GIT2: variants seen among roughly 807,000 people sequenced by gnomAD.
GIT2 encodes ARF GTPase-activating protein GIT2.
A neutral mutation model predicts 100.3 loss-of-function variants in GIT2; 32 were observed. That is an observed-to-expected ratio of 0.32 (90% CI 0.24 to 0.43). The LOEUF is 0.43. Among genes scored for constraint, GIT2 ranks in the 20% least tolerant of loss-of-function variants. GIT2 has a pLI of 1.00. For synonymous variants in GIT2, 353 were observed against 364.1 expected (o/e 0.97, Z 0.35); for missense variants, 737 against 975.1 (o/e 0.76, Z 3.25).
Position 109,992,908 on chromosome 12 carries a change from G to A in GIT2, c.53-1148C>T, listed in dbSNP as rs985160839. Reference sequence around the variant, plus strand: ...ACTGGTCTCAAACTCCTGACCTCAGGTGATCCACTCACCTCGACCTCCTAA... The same window carrying A: ...ACTGGTCTCAAACTCCTGACCTCAGATGATCCACTCACCTCGACCTCCTAA... On this transcript the variant is annotated intron_variant, in intron 1 of 19. Coordinates refer to ENST00000355312, the MANE Select transcript of GIT2 (RefSeq NM_057169.5). 1.5e-4 allele frequency among the ~76,000 whole-genome samples: 23 copies of A among 151,784 alleles called. 1 individual carries two copies. The highest frequency in any genetic ancestry group is 5.1e-4 in the African/African-American group (21 of 41,288).
chr12:109,999,920 T>C, upstream of GIT2: 1 of 679,614 alleles, frequency 1.5e-6, no homozygotes, highest in Non-Finnish European at 2.3e-6. The surrounding 1 kb of genome is among the most constrained non-coding windows in gnomAD (Gnocchi z 4.3). Flanking sequence ...TGTGGGACAG[T>C]CCTAATAATA....
At chr12:109,979,016 G>A (rs1885722773) in intron 7 of GIT2, among the ~76,000 whole-genome samples, 1 of 152,216 alleles carries the variant, frequency 6.6e-6, no homozygotes, top group African/African-American at 2.4e-5. Flanking sequence ...GACCAGGTGA[G>A]GTTCTGCCTC....
In GIT2 at chr12:109,948,357, T is replaced by C. The variant is rs1876902072; in HGVS notation, c.1393-853A>G. On this transcript the variant is annotated intron_variant, in intron 14 of 19. Transcript: ENST00000355312. This position sits in a 1 kb window ranked among gnomAD's most constrained non-coding sequence, Gnocchi z 4.3. ...AAAACACGACCTCAGTGGTGTCAGC[T>C]TTGAACATGCTAATCTGCCTGGCAC... 1 of 990,112 alleles carries C rather than the reference T, an allele frequency of 1.0e-6. No homozygotes were observed. Among genetic ancestry groups the C allele is most frequent in the South Asian group, 4.6e-5 (1 of 21,526 alleles). 61.3% of individuals were successfully genotyped at this position (990,112 alleles called of 1,614,324 possible).
At chr12:109,956,973 G>A (rs1479060643) in intron 12 of GIT2, among the ~76,000 whole-genome samples, 4 of 151,138 alleles carry the variant, frequency 2.6e-5, no homozygotes, top group Non-Finnish European at 4.4e-5. Flanking sequence ...AGCCAAGATC[G>A]CGCCACTGCA....
intron 4 of GIT2, among the ~76,000 whole-genome samples, chr12:109,988,002 T>C (rs989170652): frequency 6.6e-6 from 1 of 152,202 alleles, no homozygotes; most frequent in Non-Finnish European, 1.5e-5. Context: ...CTGTTCAACC[T>C]GGAAACCTGA....
intron 1 of GIT2, among the ~76,000 whole-genome samples, chr12:109,994,983 GT>G (rs1259455203): frequency 6.6e-6 from 1 of 152,170 alleles, no homozygotes; most frequent in Non-Finnish European, 1.5e-5. Flanking sequence ...ACCACATGAG[GT>G]TTGAGTTATC....
chr12:109,975,912 C>A (rs763563901), intron 7 of GIT2, among the ~76,000 whole-genome samples: 1 of 151,734 alleles, frequency 6.6e-6, no homozygotes, highest in Non-Finnish European at 1.5e-5. Flanking sequence ...GCTAGGACTA[C>A]AGGCACGTAC....
intron 12 of GIT2, among the ~76,000 whole-genome samples, chr12:109,958,405 C>A (rs1232893967): frequency 6.6e-6 from 1 of 151,718 alleles, no homozygotes; most frequent in African/African-American, 2.4e-5. Context: ...CCACGCCCAG[C>A]TAATTTTTTT....
At chr12:109,969,691 C>T (rs190853396) in intron 7 of GIT2, among the ~76,000 whole-genome samples, 2 of 151,998 alleles carry the variant, frequency 1.3e-5, no homozygotes, top group East Asian at 3.9e-4. Context: ...GGATTACAGG[C>T]GTGAGCCACC....
intron 8 of GIT2, 56 bp downstream of exon 8, chr12:109,967,402 A>G: frequency 6.6e-7 from 1 of 1,508,682 alleles, no homozygotes; most frequent in Non-Finnish European, 9.2e-7. Context: ...TAAACATAAT[A>G]CAACCAAGGA....
At chr12:109,996,391 C>T (rs1889439733), upstream of GIT2, 1 of 540,948 alleles carries the variant, frequency 1.8e-6, no homozygotes, top group Admixed American at 3.8e-5. Context: ...CGGGGAGGTG[C>T]CCTTCGGCGA....
At chr12:109,970,834 G>A (rs759451969) in intron 7 of GIT2, among the ~76,000 whole-genome samples, 9 of 152,206 alleles carry the variant, frequency 5.9e-5, no homozygotes, top group Non-Finnish European at 1.0e-4. Context: ...CTGTTGCCAA[G>A]GCTAGAGTGC....
At chr12:109,988,593 G>A (rs1229604611) in intron 4 of GIT2, among the ~76,000 whole-genome samples, 5 of 151,854 alleles carry the variant, frequency 3.3e-5, no homozygotes, top group East Asian at 1.9e-4. Context: ...AGTGGCTCAC[G>A]CTTGCAATCC....
intron 8 of GIT2, among the ~76,000 whole-genome samples, chr12:109,966,053 T>C (rs1317939806): frequency 3.4e-5 from 5 of 147,304 alleles, no homozygotes; most frequent in African/African-American, 1.3e-4. Context: ...TGGAGTGCAG[T>C]GGCGCAATCT....
Position 109,962,862 on chromosome 12 carries a change from T to C in GIT2, c.817-1177A>G, listed in dbSNP as rs1226704788. Among the ~76,000 whole-genome samples, 1 of 152,074 alleles carries C rather than the reference T, an allele frequency of 6.6e-6. No individual in the cohort carries two copies. Among genetic ancestry groups the C allele is most frequent in the African/African-American group, 2.4e-5 (1 of 41,400 alleles). On this transcript the variant is annotated intron_variant, in intron 9 of 19. Transcript: ENST00000355312. This position sits in a 1 kb window ranked among gnomAD's most constrained non-coding sequence, Gnocchi z 4.3. ...TTTAAAATGCTGGCTACAGGCTGGG[T>C]GTGGTGGCTCATGCCTATAATCCCA...
At chr12:109,953,579 A>ACTG (rs1217914221) in intron 12 of GIT2, 1 of 200,806 alleles carries the variant, frequency 5.0e-6, no homozygotes, top group Non-Finnish European at 1.0e-5. Context: ...GTGAACCATG[A>ACTG]CTGCACCACT....
chr12:109,990,155 T>G (rs1170101745), intron 2 of GIT2, among the ~76,000 whole-genome samples: 1 of 152,222 alleles, frequency 6.6e-6, no homozygotes, highest in Non-Finnish European at 1.5e-5. Context: ...CACTTAATAT[T>G]TGTCTTTAAA....
Position 109,961,703 on chromosome 12 carries a change from C to G in GIT2, c.817-18G>C, listed in dbSNP as rs1338908585. On this transcript the variant is annotated intron_variant, in intron 9 of 19. Coordinates refer to ENST00000355312, the MANE Select transcript of GIT2 (RefSeq NM_057169.5). ...TTACTTAGCTGAAAATAAAAAATATCAGGAACACAAGGGACAATGATTAAT... is the reference window on the plus strand; with the variant it reads ...TTACTTAGCTGAAAATAAAAAATATGAGGAACACAAGGGACAATGATTAAT... 1 of 1,437,356 alleles carries G rather than the reference C, an allele frequency of 7.0e-7. No individual in the cohort carries two copies. The highest frequency in any genetic ancestry group is 9.8e-7 in the Non-Finnish European group (1 of 1,020,546). 89.0% of individuals were successfully genotyped at this position (1,437,356 alleles called of 1,614,324 possible).
chr12:109,930,971 G>A lies in GIT2; in HGVS notation c.*2007C>T, dbSNP rs1871543745. On this transcript the variant is annotated 3_prime_UTR_variant, in exon 20 of 20. Coordinates refer to ENST00000355312, the MANE Select transcript of GIT2 (RefSeq NM_057169.5). Reference sequence around the variant, plus strand: ...GCATCCAACAGCAATGTGGCACTTAGGGCTGTGGGACAAACAAGTGGAAGA... The same window carrying A: ...GCATCCAACAGCAATGTGGCACTTAAGGCTGTGGGACAAACAAGTGGAAGA... The A allele has an allele frequency of 6.6e-6, 1 of 152,202 alleles. No individual in the cohort carries two copies. The highest frequency in any genetic ancestry group is 1.5e-5 in the Non-Finnish European group (1 of 68,048). 9.4% of individuals were successfully genotyped at this position (152,202 alleles called of 1,614,324 possible).
Sources: allele counts gnomAD v4.1 joint callset (sites outside exome capture counted in the v4.1 genomes callset), GRCh38; gene constraint gnomAD v4.1.1; non-coding constraint Gnocchi (gnomAD v3.1); transcripts MANE v1.5; gene names NCBI Gene and HGNC (gene_info 2026-07-23, HGNC 2026-07-21).